The following GLYAT variants were observed in gnomAD, a reference collection of about 807,000 sequenced individuals.
The protein encoded by GLYAT is glycine N-acyltransferase.
In GLYAT, 25 loss-of-function variants were observed where a neutral mutation model predicts 22.8. That is an observed-to-expected ratio of 1.09 (90% confidence interval 0.80 to 1.53). GLYAT has a LOEUF of 1.53. Ranked by LOEUF, GLYAT falls within the 40% of genes most tolerant of loss-of-function variation. The pLI is 0.00. For synonymous variants in GLYAT, 140 were observed against 122.7 expected, an observed-to-expected ratio of 1.14 and a Z score of -0.93; for missense variants, 411 against 353.9, an observed-to-expected ratio of 1.16 and a Z score of -1.29.
intron 2 of GLYAT, among the ~76,000 whole-genome samples, chr11:58,717,738 T>C (rs1383104022): frequency 6.6e-6 from 1 of 152,036 alleles, no homozygotes; most frequent in Non-Finnish European, 1.5e-5. Context: ...AGTTTCCCAT[T>C]TTTACTAAAA....
At chr11:58,716,570 G>C (rs555990869) in intron 2 of GLYAT, among the ~76,000 whole-genome samples, 1 of 152,120 alleles carries the variant, frequency 6.6e-6, no homozygotes, top group Non-Finnish European at 1.5e-5. Context: ...TGTACCTGGG[G>C]CCTATTAAAA....
chr11:58,712,955 G>T, intron 3 of GLYAT, 69 bp from the exon 4 acceptor site: 2 of 979,038 alleles, frequency 2.0e-6, no homozygotes, highest in Non-Finnish European at 3.0e-6. Context: ...ATTTTATACT[G>T]TGATATTTCT....
Position 58,724,432 on chromosome 11 carries a change from A to T in GLYAT, c.65T>A (p.Leu22His). The change falls in exon 2 of 6, where the codon CTC becomes CAC. Residue 22 changes from leucine (L) to histidine (H), a missense_variant. Transcript: ENST00000344743. The stretch of plus-strand genomic sequence containing the variant: ...CATTATCACCTTTAAGGATGCTGGG[A>T]GGCTCTTCCTCAAGGATTTCTCCAG... ...QMLEKSLRKSLPASLKVYGTV... is the reference protein window; with the variant it reads ...QMLEKSLRKSHPASLKVYGTV... 6.3e-7 allele frequency: 1 copy of T among 1,596,980 alleles called. No homozygotes were observed. Among genetic ancestry groups the T allele is most frequent in the Non-Finnish European group, 8.6e-7 (1 of 1,165,734 alleles).
intron 4 of GLYAT, among the ~76,000 whole-genome samples, chr11:58,711,253 C>T (rs914644594): frequency 1.1e-4 from 17 of 152,132 alleles, no homozygotes; most frequent in Non-Finnish European, 1.6e-4. Flanking sequence ...TTTTAAGTTG[C>T]TAGCCAGTTG....
At chr11:58,729,389 T>C (rs943550933) in intron 1 of GLYAT, among the ~76,000 whole-genome samples, 2 of 152,204 alleles carry the variant, frequency 1.3e-5, no homozygotes, top group African/African-American at 4.8e-5. Context: ...CTTGTTATGT[T>C]GGGTTAAAGT....
At position 58,709,524 on chromosome 11, in the gene GLYAT, A is replaced by C. The variant is rs1484867925; in HGVS notation, c.*242T>G. On this transcript the variant is annotated 3_prime_UTR_variant, in exon 6 of 6. Transcript: ENST00000344743. ...TGATGAAGTGTCATAGAGGTCCTGG[A>C]AATGTGGGGAGGTAAATTGCTTATG... is the stretch of plus-strand genomic sequence containing the variant. 2.3e-6 allele frequency: 1 copy of C among 431,790 alleles called. No individual in the cohort carries two copies. Among genetic ancestry groups the C allele is most frequent in the African/African-American group, 2.0e-5 (1 of 51,038 alleles). 26.7% of individuals were successfully genotyped at this position (431,790 alleles called of 1,614,324 possible).
chr11:58,712,974 A>C (rs772075618), intron 3 of GLYAT, 88 bp from the exon 4 acceptor site: 2 of 804,222 alleles, frequency 2.5e-6, no homozygotes, highest in East Asian at 5.8e-5. Flanking sequence ...CTAAGTAATA[A>C]AATATTGGTA....
chr11:58,710,291 A>G, intron 5 of GLYAT, 123 bp from the exon 6 acceptor site: 13 of 1,423,534 alleles, frequency 9.1e-6, no homozygotes, highest in Non-Finnish European at 1.2e-5. Flanking sequence ...CCTGGAATAT[A>G]GATGAGCTTG....
At chr11:58,712,302 T>C (rs886092664) in intron 4 of GLYAT, among the ~76,000 whole-genome samples, 2 of 152,196 alleles carry the variant, frequency 1.3e-5, no homozygotes, top group African/African-American at 4.8e-5. Context: ...CTCAGAGAGA[T>C]TAAATCACTT....
chr11:58,727,575 G>A (rs867000803), intron 1 of GLYAT, among the ~76,000 whole-genome samples: 7 of 152,038 alleles, frequency 4.6e-5, no homozygotes, highest in Non-Finnish European at 7.4e-5. Flanking sequence ...AGTTCATTAC[G>A]TCTGCTTAGT....
intron 4 of GLYAT, among the ~76,000 whole-genome samples, chr11:58,712,509 A>G (rs547746272): frequency 6.6e-6 from 1 of 152,324 alleles, no homozygotes; most frequent in South Asian, 2.1e-4. Context: ...AGGTCTGGAT[A>G]CAGCTGCAAA....
chr11:58,724,331 G>T, intron 2 of GLYAT, 85 bp downstream of exon 2: 1 of 646,854 alleles, frequency 1.5e-6, no homozygotes, highest in Non-Finnish European at 2.7e-6. Context: ...GCTCAAAATA[G>T]GTGCATCATA....
intron 2 of GLYAT, among the ~76,000 whole-genome samples, chr11:58,719,207 A>C (rs967389868): frequency 6.6e-6 from 1 of 152,036 alleles, no homozygotes; most frequent in African/African-American, 2.4e-5. Flanking sequence ...TTATTTAACT[A>C]AAGTGAAAGT....
At chr11:58,713,325 A>G (rs1394794760) in intron 3 of GLYAT, among the ~76,000 whole-genome samples, 1 of 152,172 alleles carries the variant, frequency 6.6e-6, no homozygotes, top group Non-Finnish European at 1.5e-5. Flanking sequence ...ATTCCAGAAC[A>G]ATACTATTCA....
intron 1 of GLYAT, among the ~76,000 whole-genome samples, chr11:58,727,750 G>A (rs539393271): frequency 6.6e-6 from 1 of 152,196 alleles, no homozygotes; most frequent in East Asian, 1.9e-4. Flanking sequence ...AAGTTTAATT[G>A]GTATGTGACC....
intron 1 of GLYAT, 72 bp downstream of exon 1, chr11:58,731,763 G>C (rs949543184): frequency 6.6e-6 from 1 of 152,042 alleles, no homozygotes; most frequent in Non-Finnish European, 1.5e-5. Context: ...ATTAACTATA[G>C]TTCTCATGTT....
intron 1 of GLYAT, among the ~76,000 whole-genome samples, chr11:58,725,814 C>T (rs1203504461): frequency 6.6e-6 from 1 of 152,158 alleles, no homozygotes; most frequent in Non-Finnish European, 1.5e-5. Context: ...TGTCCATTCT[C>T]CCCTGATTCT....
At chr11:58,712,113 T>A (rs920831954) in intron 4 of GLYAT, among the ~76,000 whole-genome samples, 2 of 152,212 alleles carry the variant, frequency 1.3e-5, no homozygotes, top group Admixed American at 1.3e-4. Context: ...AGAACTGCCT[T>A]GCAAAGCTCA....
At position 58,714,111 on chromosome 11, in the gene GLYAT, A is replaced by G. The variant is rs572852579; in HGVS notation, c.189+1205T>C. 3.3e-5 allele frequency among the ~76,000 whole-genome samples: 5 copies of G among 152,218 alleles called. No individual in the cohort carries two copies. The East Asian group carries it at 9.7e-4, about 29-fold the overall frequency. ...TTGTATGTAGAATGTAAAAATGGTG[A>G]ACTCATAGAAGTAGAGAGTAGAATG... On this transcript the variant is annotated intron_variant, in intron 3 of 5. Transcript: ENST00000344743.
Sources: gnomAD v4.1 joint callset for allele counts (sites outside exome capture counted in the v4.1 genomes callset) on GRCh38, gnomAD v4.1.1 for gene constraint, MANE v1.5 for transcripts, NCBI Gene and HGNC (gene_info 2026-07-23, HGNC 2026-07-21) for gene names.